ZNF205: variants seen among roughly 807,000 people sequenced by gnomAD.
The protein encoded by ZNF205 is transcriptional repressor RHIT.
ZNF205 carries 32 observed loss-of-function variants against 53.6 expected under a neutral mutation model. The ratio of observed to expected loss-of-function variants is 0.60; its 90% CI spans 0.45 to 0.80. The LOEUF is 0.80. ZNF205 is among the 30% of genes least tolerant of loss of function. ZNF205 has a pLI of 0.00. For missense variants in ZNF205, 836 were observed against 782.4 expected, an observed-to-expected ratio of 1.07 and a Z score of -0.82; for synonymous variants, 382 against 334.3, an observed-to-expected ratio of 1.14 and a Z score of -1.56.
chr16:3,113,326 C>T (rs1957294558), intron 1 of ZNF205, 91 bp from the exon 2 acceptor site: 3 of 1,284,114 alleles, frequency 2.3e-6, no homozygotes, highest in Admixed American at 4.3e-5. Context: ...GAAGCGAGGG[C>T]TGGTTTCTGT....
chr16:3,119,491 C>T lies in ZNF205; in HGVS notation c.831C>T (p.Arg277=), dbSNP rs777215852. ...DPSPTEPQEY[R]VPEKPNEEEK... The stretch of plus-strand genomic sequence containing the variant: ...GTCCCACGGAGCCCCAGGAGTACCG[C>T]GTCCCGGAGAAGCCCAACGAGGAGG... Residue 277 remains arginine (R), a synonymous_variant, in exon 7 of 7, where the codon CGC becomes CGT. Coordinates refer to ENST00000219091, the MANE Select transcript of ZNF205 (RefSeq NM_001042428.2). The T allele has an allele frequency of 5.8e-5, 92 of 1,591,870 alleles. No homozygotes were observed. The highest frequency in any genetic ancestry group is 7.3e-5 in the Non-Finnish European group (86 of 1,170,174).
chr16:3,115,967 C>A lies in ZNF205; in HGVS notation c.363+47C>A, dbSNP rs755416786. On this transcript the variant is annotated intron_variant, in intron 4 of 6. Coordinates refer to ENST00000219091, the MANE Select transcript of ZNF205 (RefSeq NM_001042428.2). ...CCTGCATGGTACTCAGCCCTTCCTG[C>A]ATCTGCTGGTTCTGTGTGAAAGCCA... is the stretch of plus-strand genomic sequence containing the variant. 3.8e-6 allele frequency: 6 copies of A among 1,573,038 alleles called. No homozygotes were observed. The Admixed American group carries it at 5.4e-5, about 14-fold the overall frequency.
At chr16:3,116,159 T>C in intron 4 of ZNF205, 1 of 643,448 alleles carries the variant, frequency 1.6e-6, no homozygotes, top group Non-Finnish European at 2.6e-6. Context: ...TTGGGAACCG[T>C]CCTCCGAGGT....
Position 3,113,409 on chromosome 16 carries a change from C to G in ZNF205, c.-14-8C>G. 2 of 1,612,352 alleles carry G rather than the reference C, an allele frequency of 1.2e-6. No individual in the cohort carries two copies. Among genetic ancestry groups the G allele is most frequent in the Non-Finnish European group, 8.5e-7 (1 of 1,179,166 alleles). On this transcript the variant is annotated splice_polypyrimidine_tract_variant and splice_region_variant and intron_variant, in intron 1 of 6. Coordinates refer to ENST00000219091, the MANE Select transcript of ZNF205 (RefSeq NM_001042428.2). Reference sequence around the variant, plus strand: ...AAGAGGGAGAAACAACTCAGCTGTTCTTTCTAGCTCTGAAATAGAAAATGT... The same window carrying G: ...AAGAGGGAGAAACAACTCAGCTGTTGTTTCTAGCTCTGAAATAGAAAATGT...
At chr16:3,113,075 T>A in intron 1 of ZNF205, 1 of 268,634 alleles carries the variant, frequency 3.7e-6, no homozygotes, top group Non-Finnish European at 7.2e-6. Flanking sequence ...CTGCTCCTGA[T>A]GACAGGAAAT....
Position 3,120,082 on chromosome 16 carries a change from G to C in ZNF205, c.1422G>C (p.Lys474Asn). Residue 474 changes from lysine (K) to asparagine (N), a missense_variant, in exon 7 of 7, where the codon AAG (lysine) becomes AAC (asparagine). By Grantham distance (94) the Lys-to-Asn change is moderately conservative (BLOSUM62 0). Transcript: ENST00000219091. ...ACAACCGCACACACACAGGCGAGAAGCCCTACCACTGCCTCGACTGCGGCA... is the reference window on the plus strand; with the variant it reads ...ACAACCGCACACACACAGGCGAGAACCCCTACCACTGCCTCGACTGCGGCA... ...IAHNRTHTGE[K>N]PYHCLDCGKS... 6.2e-7 allele frequency: 1 copy of C among 1,613,878 alleles called. No homozygotes were observed. Among genetic ancestry groups the C allele is most frequent in the Non-Finnish European group, 8.5e-7 (1 of 1,179,914 alleles).
At chr16:3,117,336 C>T in intron 5 of ZNF205, among the ~76,000 whole-genome samples, 1 of 152,054 alleles carries the variant, frequency 6.6e-6, no homozygotes, top group Non-Finnish European at 1.5e-5. Flanking sequence ...ACTCCCCAGG[C>T]CCCGCAGACC....
chr16:3,120,359 C>T lies in ZNF205; in HGVS notation c.*34C>T. On this transcript the variant is annotated 3_prime_UTR_variant, in exon 7 of 7. Coordinates refer to ENST00000219091, the MANE Select transcript of ZNF205 (RefSeq NM_001042428.2). ...GAAAGGGGGAGCGGGGCGCCCAGGG[C>T]CACTGGAACAGCCCCACTGGAGTCA... 2 of 1,466,860 alleles carry T rather than the reference C, an allele frequency of 1.4e-6. No individual in the cohort carries two copies. Among genetic ancestry groups the T allele is most frequent in the Non-Finnish European group, 1.8e-6 (2 of 1,117,746 alleles). The allele number at this position is 1,466,860 out of a possible 1,614,324, so 90.9% of individuals were successfully genotyped here. A position where few individuals can be genotyped will look rare whatever the true frequency, so the allele number is the denominator to read the frequency against.
chr16:3,115,755 G>A, intron 3 of ZNF205, 74 bp from the exon 4 acceptor site: 1 of 1,502,302 alleles, frequency 6.7e-7, no homozygotes, highest in South Asian at 1.2e-5. Context: ...CAGGGGTGGA[G>A]TTTGAGGCAG....
At chr16:3,113,637 G>C (rs1342192862) in intron 2 of ZNF205, 150 bp downstream of exon 2, 1 of 820,318 alleles carries the variant, frequency 1.2e-6, no homozygotes. Context: ...AGTACCCTCT[G>C]TCTGGAATTT....
intron 5 of ZNF205, among the ~76,000 whole-genome samples, chr16:3,117,143 A>C (rs892588006): frequency 3.9e-5 from 6 of 152,206 alleles, no homozygotes; most frequent in African/African-American, 1.4e-4. Flanking sequence ...ATAGCCGCAT[A>C]TGGCTAGCAG....
chr16:3,119,207 G>C, intron 6 of ZNF205, 49 bp from the exon 7 acceptor site: 1 of 1,538,022 alleles, frequency 6.5e-7, no homozygotes. Flanking sequence ...ACCCTCCTGG[G>C]GTCCTTAGGG....
At position 3,113,598 on chromosome 16, in the gene ZNF205, G is replaced by A. The variant is rs1002049966; in HGVS notation, c.57+111G>A. 3.4e-6 allele frequency: 4 copies of A among 1,186,094 alleles called. No homozygotes were observed. The African/African-American group carries it at 4.7e-5, about 14-fold the overall frequency. 73.5% of individuals were successfully genotyped at this position (1,186,094 alleles called of 1,614,324 possible). A position where few individuals can be genotyped will look rare whatever the true frequency, so the allele number is the denominator to read the frequency against. On this transcript the variant is annotated intron_variant, in intron 2 of 6. Transcript: ENST00000219091. ...GAAGAGTTAGACTCACTGGGGTGGG[G>A]AGATCAAAGAGAAGGTGGCATGCTG...
chr16:3,117,138 C>T (rs773667334), intron 5 of ZNF205, among the ~76,000 whole-genome samples: 3 of 152,296 alleles, frequency 2.0e-5, no homozygotes, highest in East Asian at 1.9e-4. Flanking sequence ...TTTAAATAGC[C>T]GCATATGGCT....
chr16:3,113,508 G>C, intron 2 of ZNF205, 21 bp downstream of exon 2: 1 of 1,612,212 alleles, frequency 6.2e-7, no homozygotes, highest in Non-Finnish European at 8.5e-7. Flanking sequence ...GGCTGGCTGA[G>C]GGAGGTGTGC....
At position 3,118,938 on chromosome 16, in the gene ZNF205, A is replaced by C; in HGVS notation, c.518A>C (p.Gln173Pro). Residue 173 changes from glutamine to proline, a missense_variant, in exon 6 of 7, where the codon CAA (glutamine) becomes CCA (proline). Transcript: ENST00000219091. ...TTCAGCAGGCCTTTCTGGGCCCCTC[A>C]AGCGCACGGCAAGGGTGAGGCCTCG... is the stretch of plus-strand genomic sequence containing the variant. ...FPFSRPFWAP[Q>P]AHGKGEASGS... 1 of 1,613,622 alleles carries C rather than the reference A, an allele frequency of 6.2e-7. No individual in the cohort carries two copies. The highest frequency in any genetic ancestry group is 8.5e-7 in the Non-Finnish European group (1 of 1,179,968).
chr16:3,114,969 T>C (rs1957319846), intron 2 of ZNF205: 1 of 164,990 alleles, frequency 6.1e-6, no homozygotes, highest in African/African-American at 2.4e-5. Context: ...TTAACTTACC[T>C]GTATAAAGAC....
At chr16:3,117,841 T>C (rs926829489) in intron 5 of ZNF205, among the ~76,000 whole-genome samples, 1 of 148,598 alleles carries the variant, frequency 6.7e-6, no homozygotes, top group Non-Finnish European at 1.5e-5. Flanking sequence ...ATTCATTCAG[T>C]TGACGCTTAG....
At position 3,119,384 on chromosome 16, in the gene ZNF205, G is replaced by T. The variant is rs141917165; in HGVS notation, c.724G>T (p.Gly242Cys). 1 of 1,611,716 alleles carries T rather than the reference G, an allele frequency of 6.2e-7. No homozygotes were observed. Among genetic ancestry groups the T allele is most frequent in the Non-Finnish European group, 8.5e-7 (1 of 1,179,448 alleles). The change falls in exon 7 of 7, where the codon GGC (glycine) becomes TGC (cysteine). Residue 242 changes from glycine (G) to cysteine (C), a missense_variant. Coordinates refer to ENST00000219091, the MANE Select transcript of ZNF205 (RefSeq NM_001042428.2). ...GCAGTGCGCGCAGGAAGCAGCCTGCGGCCGGAGCTCAGGGCCGGCCAAAGA... is the reference window on the plus strand; with the variant it reads ...GCAGTGCGCGCAGGAAGCAGCCTGCTGCCGGAGCTCAGGGCCGGCCAAAGA... Reference protein sequence around the residue: ...VPQCAQEAACGRSSGPAKDSG... With the variant: ...VPQCAQEAACCRSSGPAKDSG...
Sources: allele counts gnomAD v4.1 joint callset (sites outside exome capture counted in the v4.1 genomes callset), GRCh38; gene constraint gnomAD v4.1.1; transcripts MANE v1.5; gene names NCBI Gene and HGNC (gene_info 2026-07-23, HGNC 2026-07-21).